The following PDE4D variants were observed in gnomAD, a reference collection of about 807,000 sequenced individuals.
The protein encoded by PDE4D is 3',5'-cyclic-AMP phosphodiesterase 4D.
PDE4D carries 24 observed loss-of-function variants against 87.4 expected under a neutral mutation model. The ratio of observed to expected loss-of-function variants is 0.27; its 90% confidence interval spans 0.20 to 0.39. The LOEUF (loss-of-function observed/expected upper bound fraction) is 0.39, where lower values mean the gene tolerates loss of function less well. Among genes scored for constraint, PDE4D ranks in the 10% least tolerant of loss-of-function variants. The pLI is 1.00. For missense variants in PDE4D, 714 were observed against 1,041.0 expected, an observed-to-expected ratio of 0.69 and a Z score of 4.32; for synonymous variants, 384 against 383.2, an observed-to-expected ratio of 1.00 and a Z score of -0.02.
chr5:59,679,103 A>G (rs996798480), intron 1 of PDE4D, among the ~76,000 whole-genome samples: 2 of 152,194 alleles, frequency 1.3e-5, no homozygotes, highest in African/African-American at 2.4e-5. Context: ...AATTATAATA[A>G]AAGTCAACGT....
intron 1 of PDE4D, among the ~76,000 whole-genome samples, chr5:60,486,227 A>G (rs1424901010): frequency 2.0e-5 from 3 of 152,004 alleles, no homozygotes; most frequent in African/African-American, 7.2e-5. Flanking sequence ...TTATAGATGC[A>G]CTCCTTTCTC....
At position 60,237,081 on chromosome 5, in the gene PDE4D, G is replaced by A. The variant is rs76839767; in HGVS notation, c.-89-51394C>T. ...CTTTGAACTGCTAAAATAAAATACAGTGACAATACCAAATGCTTACAAAGA... is the reference window on the plus strand; with the variant it reads ...CTTTGAACTGCTAAAATAAAATACAATGACAATACCAAATGCTTACAAAGA... On this transcript the variant is annotated intron_variant, in intron 1 of 16. Coordinates refer to the PDE4D transcript ENST00000502484. 8.2e-3 allele frequency among the ~76,000 whole-genome samples: 1,242 copies of A among 152,006 alleles called. 20 individuals are homozygous for A. The highest frequency in any genetic ancestry group is 0.029 in the African/African-American group (1,203 of 41,486).
chr5:60,014,427 A>G (rs1351933352), intron 2 of PDE4D, among the ~76,000 whole-genome samples: 2 of 152,366 alleles, frequency 1.3e-5, no homozygotes, highest in African/African-American at 4.8e-5. Flanking sequence ...TCCAGATGGC[A>G]GAAGGTTTTC....
At chr5:59,127,911 G>A (rs966258160) in intron 5 of PDE4D, among the ~76,000 whole-genome samples, 6 of 151,946 alleles carry the variant, frequency 3.9e-5, no homozygotes, top group African/African-American at 1.5e-4. Context: ...CAGCTTGCCA[G>A]TTAAGACTTT....
At chr5:59,024,103 T>C (rs559337851) in intron 6 of PDE4D, among the ~76,000 whole-genome samples, 3 of 150,480 alleles carry the variant, frequency 2.0e-5, no homozygotes, top group Non-Finnish European at 4.4e-5. Context: ...GGTTTTGCCA[T>C]GTTGGCCAGG....
chr5:60,097,236 C>T (rs781446823), intron 2 of PDE4D, among the ~76,000 whole-genome samples: 5 of 133,624 alleles, frequency 3.7e-5, no homozygotes, highest in Non-Finnish European at 8.5e-5. Context: ...GGCCGTGTAC[C>T]TAGATACTGC....
intron 1 of PDE4D, among the ~76,000 whole-genome samples, chr5:60,419,733 A>G (rs1172244120): frequency 1.3e-5 from 2 of 152,234 alleles, no homozygotes; most frequent in African/African-American, 4.8e-5. Flanking sequence ...GTAACTAGTA[A>G]CAGATTATCT....
intron 6 of PDE4D, among the ~76,000 whole-genome samples, chr5:59,003,790 G>A (rs958656537): frequency 5.3e-5 from 8 of 152,244 alleles, no homozygotes; most frequent in African/African-American, 1.9e-4. Context: ...CATGTGGATT[G>A]CGGGGTGAGA....
At chr5:59,542,328 A>G (rs1308146188) in intron 1 of PDE4D, among the ~76,000 whole-genome samples, 1 of 152,150 alleles carries the variant, frequency 6.6e-6, no homozygotes, top group Non-Finnish European at 1.5e-5. Context: ...TGCAGCACCC[A>G]GTGATCACAC....
At chr5:59,796,390 G>C (rs1439281434) in intron 1 of PDE4D, among the ~76,000 whole-genome samples, 1 of 152,240 alleles carries the variant, frequency 6.6e-6, no homozygotes, top group Non-Finnish European at 1.5e-5. Flanking sequence ...GGTAACTGGG[G>C]AGTGCAGTGC....
intron 1 of PDE4D, among the ~76,000 whole-genome samples, chr5:60,421,255 T>A (rs925444745): frequency 1.3e-5 from 2 of 152,186 alleles, no homozygotes; most frequent in Admixed American, 1.3e-4. Context: ...GACCCCCACA[T>A]AGCTTAACTG....
intron 1 of PDE4D, among the ~76,000 whole-genome samples, chr5:59,316,559 T>C (rs1354234305): frequency 1.3e-5 from 2 of 152,156 alleles, no homozygotes; most frequent in East Asian, 1.9e-4. Context: ...GATTTATATA[T>C]AAACTGTACT....
intron 2 of PDE4D, among the ~76,000 whole-genome samples, chr5:60,137,898 C>A (rs1008339848): frequency 2.0e-5 from 3 of 151,928 alleles, no homozygotes; most frequent in African/African-American, 4.8e-5. Flanking sequence ...GATTTTCTTC[C>A]AGGATTTTTA....
intron 1 of PDE4D, among the ~76,000 whole-genome samples, chr5:59,881,217 T>C (rs1256812887): frequency 1.3e-5 from 2 of 152,204 alleles, no homozygotes; most frequent in Non-Finnish European, 2.9e-5. Context: ...ATTTTATATA[T>C]GTTTAAACCA....
At chr5:60,342,441 T>G (rs1561141001) in intron 1 of PDE4D, among the ~76,000 whole-genome samples, 1 of 152,146 alleles carries the variant, frequency 6.6e-6, no homozygotes, top group Non-Finnish European at 1.5e-5. Flanking sequence ...GTCTTTAAAG[T>G]GAAGCACCTG....
intron 3 of PDE4D, among the ~76,000 whole-genome samples, chr5:59,938,371 G>A (rs1377492655): frequency 1.3e-5 from 2 of 152,164 alleles, no homozygotes; most frequent in South Asian, 2.1e-4. Context: ...TGAAAAGAGG[G>A]ATTAAAGCAG....
chr5:59,928,188 A>G (rs991381887), intron 3 of PDE4D, among the ~76,000 whole-genome samples: 9 of 152,224 alleles, frequency 5.9e-5, no homozygotes, highest in Non-Finnish European at 8.8e-5. Context: ...CTTCTTAAAC[A>G]ATCACCAAGG....
intron 1 of PDE4D, among the ~76,000 whole-genome samples, chr5:59,238,892 G>C (rs1052353388): frequency 6.6e-6 from 1 of 152,200 alleles, no homozygotes; most frequent in African/African-American, 2.4e-5. Context: ...TGTGAGGTCA[G>C]TGTCCTTGGG....
rs565558718 is a variant in PDE4D, at chr5:59,098,672, C to T, written c.809-59701G>A. On this transcript the variant is annotated intron_variant, in intron 5 of 14. Coordinates refer to ENST00000340635, the MANE Select transcript of PDE4D (RefSeq NM_001104631.2). ...TAAGCCCTGATCACACCACTACACTCCAGCCTGGGTGACAGAGAAAGACTC... is the reference window on the plus strand; with the variant it reads ...TAAGCCCTGATCACACCACTACACTTCAGCCTGGGTGACAGAGAAAGACTC... 3.2e-5 allele frequency among the ~76,000 whole-genome samples: 4 copies of T among 125,648 alleles called. No homozygotes were observed. The East Asian group carries it at 1.0e-3, about 32-fold the overall frequency. The allele number at this position is 125,648 out of a possible 152,430, so 82.4% of individuals were successfully genotyped here.
Sources: allele counts gnomAD v4.1 joint callset (sites outside exome capture counted in the v4.1 genomes callset), GRCh38; gene constraint gnomAD v4.1.1; transcripts MANE v1.5; gene names NCBI Gene and HGNC (gene_info 2026-07-23, HGNC 2026-07-21).